KIAA1217: variants seen among roughly 807,000 people sequenced by gnomAD.
KIAA1217 encodes the protein sickle tail protein homolog.
Under a neutral mutation model 163.9 loss-of-function variants are expected in KIAA1217, and 88 were observed. That is an observed-to-expected ratio of 0.54 (90% CI 0.45 to 0.64). The LOEUF is 0.64. KIAA1217 is among the 30% of genes least tolerant of loss of function. KIAA1217 has a pLI of 0.00. For missense variants in KIAA1217, 2,372 were observed against 2,475.0 expected (o/e 0.96, Z 0.88); for synonymous variants, 903 against 923.1 (o/e 0.98, Z 0.39).
At chr10:23,935,428 T>C (rs1211026905) in intron 1 of KIAA1217, among the ~76,000 whole-genome samples, 3 of 152,250 alleles carry the variant, frequency 2.0e-5, no homozygotes, top group South Asian at 2.1e-4. Context: ...GTATTTTGTC[T>C]GTACTCACTC....
At chr10:23,941,604 G>A (rs1423140817) in intron 1 of KIAA1217, among the ~76,000 whole-genome samples, 1 of 152,086 alleles carries the variant, frequency 6.6e-6, no homozygotes, top group African/African-American at 2.4e-5. Flanking sequence ...ATCTCGGGGA[G>A]GTGACCACAG....
At chr10:23,724,589 G>T (rs1838034501) in intron 1 of KIAA1217, among the ~76,000 whole-genome samples, 1 of 152,042 alleles carries the variant, frequency 6.6e-6, no homozygotes, top group Admixed American at 6.6e-5. Context: ...ATTTTGATTG[G>T]CAGACTGGAT....
chr10:23,820,140 C>A (rs1837552562), intron 1 of KIAA1217, among the ~76,000 whole-genome samples: 1 of 152,136 alleles, frequency 6.6e-6, no homozygotes, highest in Admixed American at 6.5e-5. Flanking sequence ...GTCAAAGAGT[C>A]TACATTTTAA....
chr10:24,240,212 T>C (rs914161511), intron 2 of KIAA1217, among the ~76,000 whole-genome samples: 3 of 152,138 alleles, frequency 2.0e-5, no homozygotes, highest in African/African-American at 7.2e-5. Context: ...GAGGCATCAG[T>C]TGCCCTGTGA....
intron 1 of KIAA1217, among the ~76,000 whole-genome samples, chr10:23,865,684 T>A (rs1469474813): frequency 2.6e-5 from 4 of 152,156 alleles, no homozygotes; most frequent in African/African-American, 9.7e-5. Context: ...GTTTAAATCT[T>A]AATTTAGCTA....
chr10:24,094,011 T>C (rs1380497800), intron 2 of KIAA1217, among the ~76,000 whole-genome samples: 1 of 151,902 alleles, frequency 6.6e-6, no homozygotes, highest in African/African-American at 2.4e-5. Context: ...TAGTATTCCA[T>C]GGTGTATATG....
Position 24,104,424 on chromosome 10 carries a change from A to C in KIAA1217, c.-171+97050A>C, listed in dbSNP as rs149723660. Among the ~76,000 whole-genome samples, 232 of 152,330 alleles carry C rather than the reference A, an allele frequency of 1.5e-3. 7 individuals are homozygous for C. In the East Asian group the frequency reaches 0.038, roughly 25 times the overall value. On this transcript the variant is annotated intron_variant, in intron 2 of 18. Transcript: ENST00000376462. Reference sequence around the variant, plus strand: ...GAAACAAGCCGCCAATTTGATTCCAAATATATGACATAGGTCTCTATACAA... The same window carrying C: ...GAAACAAGCCGCCAATTTGATTCCACATATATGACATAGGTCTCTATACAA...
chr10:24,016,008 G>A (rs566801156), intron 2 of KIAA1217, among the ~76,000 whole-genome samples: 1 of 152,072 alleles, frequency 6.6e-6, no homozygotes, highest in South Asian at 2.1e-4. Context: ...CATTAAATGA[G>A]CTGAACAATT....
In KIAA1217 at chr10:24,524,354, G is replaced by A. The variant is rs1447564733; in HGVS notation, c.2488G>A (p.Asp830Asn). The change falls in exon 13 of 21, where the codon GAC (aspartate) becomes AAC (asparagine). Residue 830 changes from aspartate to asparagine, a missense_variant. Physicochemically the swap from Asp to Asn is conservative, Grantham distance 23 (BLOSUM62 1). Around this residue, in one of 3 missense-constraint regions of KIAA1217, gnomAD observed 1,431 missense variants for 1,470.3 expected, o/e 0.97. Coordinates refer to ENST00000376454, the MANE Select transcript of KIAA1217 (RefSeq NM_019590.5). ...CACTGATGGGCTCCTGAAAGGCACG[G>A]ACGCAGCCCAAGCCGCACAGTACAT... Reference protein sequence around the residue: ...HVTDGLLKGTDAAQAAQYMAM... With the variant: ...HVTDGLLKGTNAAQAAQYMAM... 6.2e-7 allele frequency: 1 copy of A among 1,612,524 alleles called. No homozygotes were observed. The highest frequency in any genetic ancestry group is 1.3e-5 in the African/African-American group (1 of 74,894).
At chr10:24,442,225 T>C (rs1314243474) in intron 5 of KIAA1217, among the ~76,000 whole-genome samples, 10 of 152,158 alleles carry the variant, frequency 6.6e-5, no homozygotes, top group Admixed American at 2.0e-4. Flanking sequence ...TTATAAATCA[T>C]TGGTCTCCAT....
In KIAA1217 at chr10:24,501,729, C is replaced by CTTTTTTTT. The variant is rs71397953; in HGVS notation, c.2001+214_2001+221dup. 1.6e-3 allele frequency among the ~76,000 whole-genome samples: 80 copies of CTTTTTTTT among 51,504 alleles called. 21 individuals carry two copies. Among genetic ancestry groups the CTTTTTTTT allele is most frequent in the Non-Finnish European group, 2.2e-3 (61 of 28,360 alleles). 33.8% of individuals were successfully genotyped at this position (51,504 alleles called of 152,430 possible). ...AACTATAGTCAATCTATAACCACTT[C>CTTTTTTTT]TTTTTTTTTTTTTTTTTTTTTTTTT... On this transcript the variant is annotated intron_variant, in intron 9 of 20. Coordinates refer to ENST00000376454, the MANE Select transcript of KIAA1217 (RefSeq NM_019590.5).
In KIAA1217 at chr10:24,428,283, C is replaced by T. The variant is rs149806233; in HGVS notation, c.554-4712C>T. Reference sequence around the variant, plus strand: ...CCATAGCAATCACATGGGACAATCACCACACATCCCACGTGGGGCCAAGAC... The same window carrying T: ...CCATAGCAATCACATGGGACAATCATCACACATCCCACGTGGGGCCAAGAC... On this transcript the variant is annotated intron_variant, in intron 3 of 20. Coordinates refer to ENST00000376454, the MANE Select transcript of KIAA1217 (RefSeq NM_019590.5). Among the ~76,000 whole-genome samples the T allele has an allele frequency of 5.1e-3, 782 of 152,294 alleles. 22 individuals carry two copies. The highest frequency in any genetic ancestry group is 0.041 in the Admixed American group (629 of 15,288).
intron 1 of KIAA1217, among the ~76,000 whole-genome samples, chr10:23,973,399 T>C (rs1845405170): frequency 6.6e-6 from 1 of 152,240 alleles, no homozygotes; most frequent in African/African-American, 2.4e-5. Context: ...AAAGATTAAG[T>C]AATATCCCCA....
intron 2 of KIAA1217, among the ~76,000 whole-genome samples, chr10:24,125,548 G>T (rs967949788): frequency 6.6e-6 from 1 of 151,644 alleles, no homozygotes; most frequent in Non-Finnish European, 1.5e-5. Context: ...CTTCTCTGTG[G>T]TCATGTCACT....
At chr10:24,036,602 C>T (rs1373696065) in intron 2 of KIAA1217, among the ~76,000 whole-genome samples, 1 of 152,128 alleles carries the variant, frequency 6.6e-6, no homozygotes, top group African/African-American at 2.4e-5. Context: ...CCTGGTGAGG[C>T]CTCCAGAAGC....
chr10:23,870,650 G>A (rs1032658908), intron 1 of KIAA1217, among the ~76,000 whole-genome samples: 4 of 152,032 alleles, frequency 2.6e-5, no homozygotes, highest in African/African-American at 7.2e-5. Context: ...TCATAACAAC[G>A]CAGTGAAGTA....
At chr10:24,025,766 G>T (rs536055893) in intron 2 of KIAA1217, among the ~76,000 whole-genome samples, 1 of 151,260 alleles carries the variant, frequency 6.6e-6, no homozygotes, top group African/African-American at 2.4e-5. Context: ...CACTTTTTTG[G>T]TACTATTCTA....
chr10:24,333,122 A>C (rs2045906175), intron 2 of KIAA1217, among the ~76,000 whole-genome samples: 1 of 151,970 alleles, frequency 6.6e-6, no homozygotes, highest in African/African-American at 2.4e-5. Context: ...CCCAGGTTCA[A>C]GCAATTCTCC....
chr10:24,260,935 G>A (rs1433227307), intron 2 of KIAA1217, among the ~76,000 whole-genome samples: 2 of 152,104 alleles, frequency 1.3e-5, no homozygotes, highest in East Asian at 1.9e-4. Flanking sequence ...GGACTGTCAT[G>A]AGGAAAGGTG....
Sources: allele counts gnomAD v4.1 joint callset (sites outside exome capture counted in the v4.1 genomes callset), GRCh38; gene constraint gnomAD v4.1.1; regional missense constraint gnomAD v4.1.1; transcripts MANE v1.5; gene names NCBI Gene and HGNC (gene_info 2026-07-23, HGNC 2026-07-21).